Variants in SMIM7 observed in about 807,000 individuals in gnomAD.
SMIM7 encodes the protein UPF0608 protein C19orf42.
SMIM7 carries 12 observed loss-of-function variants against 13.3 expected under a neutral mutation model. The observed-to-expected ratio is 0.90, with a 90% confidence interval of 0.58 to 1.46. The LOEUF (loss-of-function observed/expected upper bound fraction) is 1.46, where lower values mean the gene tolerates loss of function less well. Among genes scored for constraint, SMIM7 ranks in the 40% most tolerant of loss-of-function variants. The probability of loss-of-function intolerance (pLI) is 0.00; values close to 1 mark genes in which losing one functional copy is unlikely to be tolerated. For missense variants in SMIM7, 114 were observed against 94.8 expected (o/e 1.20, Z -0.84); for synonymous variants, 36 against 35.8 (o/e 1.01, Z -0.02).
At position 16,654,722 on chromosome 19, in the gene SMIM7, G is replaced by C. The variant is rs576457555; in HGVS notation, c.122-597C>G. Among the ~76,000 whole-genome samples, 19 of 151,826 alleles carry C rather than the reference G, an allele frequency of 1.3e-4. No individual in the cohort carries two copies. In the South Asian group the frequency reaches 4.0e-3, roughly 32 times the overall value. On this transcript the variant is annotated intron_variant, in intron 3 of 4. Transcript: ENST00000487416. ...AAAAAAAGAAAGAAGACTATTTTGT[G>C]AGACACAAAAATTACAAGAAATTCA... is the stretch of plus-strand genomic sequence containing the variant.
intron 4 of SMIM7, chr19:16,652,599 G>C: frequency 1.6e-6 from 2 of 1,247,126 alleles, no homozygotes; most frequent in Non-Finnish European, 2.0e-6. Flanking sequence ...CTGCCAGGTA[G>C]GATACCTTGG....
At chr19:16,633,713 A>T (rs1217780024) in intron 4 of SMIM7, 1 of 152,182 alleles carries the variant, frequency 6.6e-6, no homozygotes, top group East Asian at 1.9e-4. Flanking sequence ...ACAGAGCAAG[A>T]TCCCGTCTCT....
chr19:16,658,403 C>G (rs2086624012), intron 3 of SMIM7, among the ~76,000 whole-genome samples: 3 of 152,206 alleles, frequency 2.0e-5, no homozygotes, highest in Admixed American at 2.0e-4. Context: ...CCTTAAGACT[C>G]CAAATAGTTA....
intron 2 of SMIM7, 170 bp downstream of exon 2, chr19:16,659,789 G>A: frequency 4.7e-6 from 4 of 847,462 alleles, no homozygotes; most frequent in Admixed American, 2.2e-5. Flanking sequence ...AGGTCTCTCG[G>A]GGGGTGGGGG....
chr19:16,653,602 C>CA (rs937399991), intron 4 of SMIM7: 25 of 161,898 alleles, frequency 1.5e-4, no homozygotes, highest in Non-Finnish European at 2.8e-4. Context: ...AACAAACAAA[C>CA]AAAAAAAACA....
intron 4 of SMIM7, among the ~76,000 whole-genome samples, chr19:16,635,453 A>G (rs2086351747): frequency 6.6e-6 from 1 of 151,964 alleles, no homozygotes; most frequent in Non-Finnish European, 1.5e-5. Flanking sequence ...AAGAGCAGAC[A>G]GGAGAGGACC....
downstream of SMIM7, chr19:16,645,689 T>C (rs1237617891): frequency 3.0e-5 from 4 of 131,976 alleles, no homozygotes; most frequent in African/African-American, 1.3e-4. Context: ...TGAGACAGAA[T>C]CTCATTGTCT....
chr19:16,659,602 C>T (rs899713374), intron 2 of SMIM7, 155 bp from the exon 3 acceptor site: 3 of 744,896 alleles, frequency 4.0e-6, no homozygotes, highest in Non-Finnish European at 6.7e-6. Context: ...CTTCTCTGGG[C>T]CCCCACTGCC....
chr19:16,650,870 G>A (rs1224377839), intron 4 of SMIM7, among the ~76,000 whole-genome samples: 1 of 152,064 alleles, frequency 6.6e-6, no homozygotes, highest in Non-Finnish European at 1.5e-5. Context: ...CATACTTAAG[G>A]CACTCATTTA....
intron 3 of SMIM7, among the ~76,000 whole-genome samples, chr19:16,654,906 G>C (rs1175946989): frequency 6.6e-6 from 1 of 152,026 alleles, no homozygotes; most frequent in Non-Finnish European, 1.5e-5. Context: ...TATTTACTAT[G>C]TGGCCCTCTA....
chr19:16,659,348 G>T, intron 3 of SMIM7, 47 bp downstream of exon 3: 14 of 1,372,720 alleles, frequency 1.0e-5, no homozygotes, highest in Non-Finnish European at 1.5e-5. Context: ...AAACAGAACT[G>T]TCCTCTGAAG....
At chr19:16,637,497 A>C (rs2086368347) in intron 4 of SMIM7, among the ~76,000 whole-genome samples, 1 of 152,226 alleles carries the variant, frequency 6.6e-6, no homozygotes, top group Non-Finnish European at 1.5e-5. Flanking sequence ...CTGTGTCTCA[A>C]AAAAGAAAAA....
At position 16,646,656 on chromosome 19, in the gene SMIM7, G is replaced by A. The variant is rs943689181; in HGVS notation, c.*590C>T. 1 of 156,970 alleles carries A rather than the reference G, an allele frequency of 6.4e-6. No homozygotes were observed. Among genetic ancestry groups the A allele is most frequent in the African/African-American group, 2.4e-5 (1 of 41,518 alleles). The allele number at this position is 156,970 out of a possible 1,614,324, so 9.7% of individuals were successfully genotyped here. A position where few individuals can be genotyped will look rare whatever the true frequency, so the allele number is the denominator to read the frequency against. On this transcript the variant is annotated 3_prime_UTR_variant, in exon 5 of 5. Coordinates refer to ENST00000487416, the MANE Select transcript of SMIM7 (RefSeq NM_024104.4). ...CCCACAACTGCTCCACATGTCTTCT[G>A]TGGAAACACTTCACCAGGAACTAGC...
At chr19:16,645,885 C>A (rs1243518785), downstream of SMIM7, 2 of 152,006 alleles carry the variant, frequency 1.3e-5, no homozygotes, top group Admixed American at 6.6e-5. Context: ...TAGTTTCGAA[C>A]TCCTGACCTC....
chr19:16,659,148 T>G, intron 3 of SMIM7: 1 of 565,328 alleles, frequency 1.8e-6, no homozygotes, highest in Non-Finnish European at 3.2e-6. Flanking sequence ...CCTGGCATGG[T>G]GGCACACACC....
exon 5 of SMIM7, chr19:16,631,336 A>G (rs1295895119): frequency 2.0e-5 from 3 of 152,184 alleles, no homozygotes; most frequent in African/African-American, 7.2e-5. Flanking sequence ...CAGTGAGCCA[A>G]GATCACACCA....
intron 4 of SMIM7, chr19:16,640,447 AC>A (rs745856204): frequency 2.0e-5 from 3 of 152,174 alleles, no homozygotes; most frequent in African/African-American, 4.8e-5. Flanking sequence ...TATTTCATAA[AC>A]TCAAATTTGG....
intron 4 of SMIM7, chr19:16,638,750 A>T (rs1308253344): frequency 6.6e-6 from 1 of 152,258 alleles, no homozygotes; most frequent in Non-Finnish European, 1.5e-5. Context: ...AAAAGCAACA[A>T]CATTAATAAA....
In SMIM7 at chr19:16,646,235, C is replaced by CAGGAGGTAAAGT. The variant is rs1289563579; in HGVS notation, c.*1010_*1011insACTTTACCTCCT. On this transcript the variant is annotated 3_prime_UTR_variant, in exon 5 of 5. Transcript: ENST00000487416. The stretch of plus-strand genomic sequence containing the variant: ...TTTTTTCCTTCCTCCAGGTTTACCT[C>CAGGAGGTAAAGT]CAAGTCAGGATTTCAAAAACCACCA... 21 of 152,126 alleles carry CAGGAGGTAAAGT rather than the reference C, an allele frequency of 1.4e-4. No individual in the cohort carries two copies. The highest frequency in any genetic ancestry group is 4.3e-4 in the African/African-American group (18 of 41,438). The allele number at this position is 152,126 out of a possible 1,614,324, so 9.4% of individuals were successfully genotyped here.
Sources: allele counts gnomAD v4.1 joint callset (sites outside exome capture counted in the v4.1 genomes callset), GRCh38; gene constraint gnomAD v4.1.1; transcripts MANE v1.5; gene names NCBI Gene and HGNC (gene_info 2026-07-23, HGNC 2026-07-21).